Variants in SPDYE4 observed in about 807,000 individuals in gnomAD.
SPDYE4 encodes speedy protein E4.
Under a neutral mutation model 37.5 loss-of-function variants are expected in SPDYE4, and 30 were observed. That is an observed-to-expected ratio of 0.80 (90% CI 0.60 to 1.09). The LOEUF (loss-of-function observed/expected upper bound fraction) is 1.09. SPDYE4 is among the 50% of genes least tolerant of loss of function. The pLI is 0.00. For missense variants in SPDYE4, 300 were observed against 307.9 expected, an observed-to-expected ratio of 0.97 and a Z score of 0.19; for synonymous variants, 131 against 120.3, an observed-to-expected ratio of 1.09 and a Z score of -0.58.
downstream of SPDYE4, among the ~76,000 whole-genome samples, chr17:8,748,590 A>C (rs896929491): frequency 6.6e-6 from 1 of 151,968 alleles, no homozygotes; most frequent in African/African-American, 2.4e-5. Context: ...GAACAAACTG[A>C]CTAAGACACT....
At position 8,751,830 on chromosome 17, in the gene SPDYE4, C is replaced by T. The variant is rs541685075; in HGVS notation, c.*452G>A. On this transcript the variant is annotated 3_prime_UTR_variant, in exon 7 of 7. Transcript: ENST00000689094. ...TATCTATTAAACTATCTCTTAAAAT[C>T]CTATGGCAGTAATTTCATATTTTAC... Among the ~76,000 whole-genome samples the T allele has an allele frequency of 3.3e-5, 5 of 152,226 alleles. No individual in the cohort carries two copies. The South Asian group carries it at 1.0e-3, about 32-fold the overall frequency.
At chr17:8,756,685 C>CCATGATGT (rs1425380626) in intron 2 of SPDYE4, among the ~76,000 whole-genome samples, 1 of 152,168 alleles carries the variant, frequency 6.6e-6, no homozygotes, top group Non-Finnish European at 1.5e-5. Flanking sequence ...TGTGAATAAG[C>CCATGATGT]CATGATGTCC....
chr17:8,757,627 AC>A, intron 1 of SPDYE4, 135 bp from the exon 2 acceptor site: 1 of 749,508 alleles, frequency 1.3e-6, no homozygotes, highest in Non-Finnish European at 2.1e-6. Flanking sequence ...CCATGTTTCC[AC>A]CTTTCTCCTT....
chr17:8,756,971 C>T (rs576393522), intron 2 of SPDYE4, among the ~76,000 whole-genome samples: 2 of 152,200 alleles, frequency 1.3e-5, no homozygotes, highest in African/African-American at 4.8e-5. Context: ...AATCATAGCT[C>T]ATTGCAACTT....
At chr17:8,747,802 T>G (rs534011238), downstream of SPDYE4, among the ~76,000 whole-genome samples, 8 of 152,326 alleles carry the variant, frequency 5.3e-5, no homozygotes, top group Admixed American at 2.6e-4. Context: ...GTGTGCCCCC[T>G]CAAAATTCAT....
intron 3 of SPDYE4, 64 bp downstream of exon 3, chr17:8,756,314 C>T (rs892843974): frequency 7.6e-5 from 115 of 1,514,350 alleles, no homozygotes; most frequent in East Asian, 1.8e-4. Flanking sequence ...TGGGTTTAGA[C>T]GCTGCACCCT....
In SPDYE4 at chr17:8,757,419, G is replaced by T. The variant is rs935135105; in HGVS notation, c.183C>A (p.Ser61=). The T allele has an allele frequency of 6.3e-7, 1 of 1,592,716 alleles. No homozygotes were observed. The highest frequency in any genetic ancestry group is 1.3e-5 in the African/African-American group (1 of 74,448). Residue 61 remains serine (S), a synonymous_variant, in exon 2 of 7, where the codon TCC becomes TCA. Transcript: ENST00000689094. The part of the protein sequence containing the change: ...LKRKSEWSDE[S]EEELEEELEL... ...CCAGCTCCTCCTCCAGCTCCTCCTC[G>T]GATTCGTCTGACCATTCGCTCTTCC...
Position 8,751,882 on chromosome 17 carries a change from C to CT in SPDYE4, c.*399dup, listed in dbSNP as rs2086730653. ...AAGAATTCCGTAACAATCTGAGTGC[C>CT]TGCGCTGTGCCTTCAAATGCTCTGG... On this transcript the variant is annotated 3_prime_UTR_variant, in exon 7 of 7. Transcript: ENST00000689094. Among the ~76,000 whole-genome samples, 1 of 152,176 alleles carries CT rather than the reference C, an allele frequency of 6.6e-6. No individual in the cohort carries two copies. Among genetic ancestry groups the CT allele is most frequent in the Admixed American group, 6.5e-5 (1 of 15,280 alleles).
chr17:8,753,873 G>A (rs116832595), intron 4 of SPDYE4, among the ~76,000 whole-genome samples: 1,801 of 152,152 alleles, frequency 0.012, 31 homozygotes, highest in African/African-American at 0.04. Context: ...CCTTATACAA[G>A]ACAGATGACG....
downstream of SPDYE4, among the ~76,000 whole-genome samples, chr17:8,750,405 T>TAAATAAAATA (rs141497643): frequency 2.7e-5 from 4 of 149,660 alleles, no homozygotes; most frequent in African/African-American, 9.9e-5. Context: ...AATAAATAAA[T>TAAATAAAATA]AAATAAAATA....
In SPDYE4 at chr17:8,758,371, A is replaced by C; in HGVS notation, c.12T>G (p.Gly4=). Residue 4 remains glycine (G), a synonymous_variant, in exon 1 of 7, where the codon GGT becomes GGG. Transcript: ENST00000689094. MAS[G]QARPPFEEES... Reference sequence around the variant, plus strand: ...CCTCCTCAAACGGGGGGCGCGCTTGACCACTGGCCATAATCTCTCCCAAAC... The same window carrying C: ...CCTCCTCAAACGGGGGGCGCGCTTGCCCACTGGCCATAATCTCTCCCAAAC... The C allele has an allele frequency of 1.3e-6, 2 of 1,551,392 alleles. No homozygotes were observed. The highest frequency in any genetic ancestry group is 1.7e-6 in the Non-Finnish European group (2 of 1,146,828).
rs1221090254 is a variant in SPDYE4, at chr17:8,751,469, A to G, written c.*813T>C. Among the ~76,000 whole-genome samples, 2 of 152,230 alleles carry G rather than the reference A, an allele frequency of 1.3e-5. No homozygotes were observed. The highest frequency in any genetic ancestry group is 4.8e-5 in the African/African-American group (2 of 41,466). ...CACAATTCAGTAACAAACAGTAAACAGAAAATAAACATTTCTATTTGCAAG... is the reference window on the plus strand; with the variant it reads ...CACAATTCAGTAACAAACAGTAAACGGAAAATAAACATTTCTATTTGCAAG... On this transcript the variant is annotated 3_prime_UTR_variant, in exon 7 of 7. Coordinates refer to ENST00000689094, the MANE Select transcript of SPDYE4 (RefSeq NM_001394956.1).
chr17:8,757,831 G>A (rs1384295937), intron 1 of SPDYE4, among the ~76,000 whole-genome samples: 1 of 148,092 alleles, frequency 6.8e-6, no homozygotes, highest in Non-Finnish European at 1.5e-5. Context: ...TGCCCAGACC[G>A]GAGTGCAGTG....
In SPDYE4 at chr17:8,751,209, C is replaced by G. The variant is rs1311719195; in HGVS notation, c.*1073G>C. ...TAAAACATTTAGGATAAAAAGAATC[C>G]TCTCTTAAAAATGAAAACAGAATTA... On this transcript the variant is annotated 3_prime_UTR_variant, in exon 7 of 7. Transcript: ENST00000689094. 6.6e-6 allele frequency among the ~76,000 whole-genome samples: 1 copy of G among 152,074 alleles called. No individual in the cohort carries two copies. Among genetic ancestry groups the G allele is most frequent in the African/African-American group, 2.4e-5 (1 of 41,394 alleles).
At chr17:8,748,698 G>C (rs978800937), downstream of SPDYE4, among the ~76,000 whole-genome samples, 1 of 152,172 alleles carries the variant, frequency 6.6e-6, no homozygotes, top group South Asian at 2.1e-4. Context: ...TGAGTCTCCT[G>C]TTCATGTTTC....
intron 4 of SPDYE4, among the ~76,000 whole-genome samples, chr17:8,754,016 A>G (rs1210684838): frequency 1.3e-5 from 2 of 151,862 alleles, no homozygotes; most frequent in Non-Finnish European, 2.9e-5. Flanking sequence ...TCTGTAAATC[A>G]TCTCTCACCT....
At position 8,753,457 on chromosome 17, in the gene SPDYE4, T is replaced by A; in HGVS notation, c.518A>T (p.Gln173Leu). 6.2e-7 allele frequency: 1 copy of A among 1,613,578 alleles called. No homozygotes were observed. Among genetic ancestry groups the A allele is most frequent in the Admixed American group, 1.7e-5 (1 of 59,886 alleles). Residue 173 changes from glutamine (Q) to leucine (L), a missense_variant, in exon 5 of 7, where the codon CAG becomes CTG. By Grantham distance (113) the Gln-to-Leu change is moderately radical. Coordinates refer to ENST00000689094, the MANE Select transcript of SPDYE4 (RefSeq NM_001394956.1). ...YLASDMEEDN[Q>L]APKQDIFSFL... is the part of the protein sequence containing the mutation. ...GGAGAAGATGTCTTGTTTCGGGGCC[T>A]GGTTGTCCTCCTCCATGTCACTGGC...
chr17:8,751,601 C>T lies in SPDYE4; in HGVS notation c.*681G>A, dbSNP rs1026556545. Among the ~76,000 whole-genome samples, 10 of 151,404 alleles carry T rather than the reference C, an allele frequency of 6.6e-5. No individual in the cohort carries two copies. The highest frequency in any genetic ancestry group is 1.7e-4 in the African/African-American group (7 of 41,192). ...GGAGCACATTTAATAATAGATAAAA[C>T]GATTTAAAGAGAAAACATTTACGAT... On this transcript the variant is annotated 3_prime_UTR_variant, in exon 7 of 7. Coordinates refer to ENST00000689094, the MANE Select transcript of SPDYE4 (RefSeq NM_001394956.1).
intron 6 of SPDYE4, among the ~76,000 whole-genome samples, chr17:8,752,741 C>G (rs1230097591): frequency 6.6e-6 from 1 of 152,094 alleles, no homozygotes; most frequent in Non-Finnish European, 1.5e-5. Flanking sequence ...TCACTGAATC[C>G]TTTCCTCAAA....
Sources: gnomAD v4.1 joint callset for allele counts (sites outside exome capture counted in the v4.1 genomes callset) on GRCh38, gnomAD v4.1.1 for gene constraint, MANE v1.5 for transcripts, NCBI Gene and HGNC (gene_info 2026-07-23, HGNC 2026-07-21) for gene names.